Variants in SRGAP2C observed in about 807,000 individuals in gnomAD.
SRGAP2C encodes SLIT-ROBO Rho GTPase activating protein 2C.
In SRGAP2C, 15 loss-of-function variants were observed where a neutral mutation model predicts 25.1. That is an observed-to-expected ratio of 0.60 (90% CI 0.40 to 0.92). The LOEUF (loss-of-function observed/expected upper bound fraction) is 0.92, where lower values mean the gene tolerates loss of function less well. Ranked by LOEUF, SRGAP2C falls within the 40% of genes least tolerant of loss-of-function variation. SRGAP2C has a pLI of 0.00. For missense variants in SRGAP2C, 144 were observed against 264.4 expected, an observed-to-expected ratio of 0.54 and a Z score of 3.16; for synonymous variants, 44 against 96.6, an observed-to-expected ratio of 0.46 and a Z score of 3.19.
rs1367478512 is a variant in SRGAP2C, at chr1:121,312,683, C to A, written c.261-11795C>A. 4.1e-5 allele frequency among the ~76,000 whole-genome samples: 3 copies of A among 74,048 alleles called. 1 individual carries two copies. Among genetic ancestry groups the A allele is most frequent in the Non-Finnish European group, 8.5e-5 (3 of 35,112 alleles). 48.6% of individuals were successfully genotyped at this position (74,048 alleles called of 152,430 possible). Reference sequence around the variant, plus strand: ...ATTTCTGCCTTCATTTTGTTATGTACCCAGTAGTCATTCAGGAGCAGGTTG... The same window carrying A: ...ATTTCTGCCTTCATTTTGTTATGTAACCAGTAGTCATTCAGGAGCAGGTTG... On this transcript the variant is annotated intron_variant, in intron 3 of 9. Transcript: ENST00000367123.
chr1:121,250,677 A>T (rs1553331301), intron 2 of SRGAP2C, among the ~76,000 whole-genome samples: 1 of 48,990 alleles, frequency 2.0e-5, no homozygotes, highest in Admixed American at 2.1e-4. Flanking sequence ...ACAAAACAAC[A>T]TGGATGAATC....
intron 2 of SRGAP2C, among the ~76,000 whole-genome samples, chr1:121,194,276 CAT>C (rs1479308897): frequency 8.0e-5 from 12 of 150,286 alleles, no homozygotes; most frequent in African/African-American, 2.9e-4. Flanking sequence ...CACAGTGGCT[CAT>C]ATCTGTAATT....
intron 2 of SRGAP2C, among the ~76,000 whole-genome samples, chr1:121,222,973 TC>T (rs1372724286): frequency 1.5e-4 from 22 of 151,478 alleles, no homozygotes; most frequent in Non-Finnish European, 1.8e-4. Flanking sequence ...CTTAAGGGCC[TC>T]CCCAGGGTTA....
At chr1:121,230,893 G>A (rs1655800833) in intron 2 of SRGAP2C, among the ~76,000 whole-genome samples, 1 of 150,880 alleles carries the variant, frequency 6.6e-6, no homozygotes, top group Non-Finnish European at 1.5e-5. Flanking sequence ...CAGGGACATG[G>A]ATGAAGCTGG....
chr1:121,328,136 T>G (rs1658354040), intron 4 of SRGAP2C, among the ~76,000 whole-genome samples: 1 of 152,056 alleles, frequency 6.6e-6, no homozygotes, highest in South Asian at 2.1e-4. Flanking sequence ...CCAGATTTCT[T>G]GAAGAATGAA....
At chr1:121,370,777 T>G (rs1240117943) in intron 5 of SRGAP2C, among the ~76,000 whole-genome samples, 4 of 150,372 alleles carry the variant, frequency 2.7e-5, no homozygotes, top group Non-Finnish European at 5.9e-5. Flanking sequence ...ATTTTGTGTT[T>G]AGCTCTACCT....
At chr1:121,192,999 T>TGTCA (rs1654740454) in intron 2 of SRGAP2C, among the ~76,000 whole-genome samples, 1 of 117,698 alleles carries the variant, frequency 8.5e-6, no homozygotes, top group Non-Finnish European at 1.7e-5. Context: ...TTTAACCTGG[T>TGTCA]GTCAGCTCCA....
At chr1:121,253,933 G>A (rs1190745734) in intron 2 of SRGAP2C, among the ~76,000 whole-genome samples, 1 of 151,364 alleles carries the variant, frequency 6.6e-6, no homozygotes, top group Non-Finnish European at 1.5e-5. Context: ...TCTCTTTTTT[G>A]ATGGAGTCTC....
intron 4 of SRGAP2C, among the ~76,000 whole-genome samples, chr1:121,345,621 G>A (rs1342225836): frequency 3.3e-5 from 5 of 150,460 alleles, no homozygotes; most frequent in Non-Finnish European, 5.9e-5. Flanking sequence ...AGATTAACAG[G>A]CATCTATATA....
chr1:121,350,422 A>G (rs1259243136), intron 4 of SRGAP2C, among the ~76,000 whole-genome samples: 2 of 147,536 alleles, frequency 1.4e-5, no homozygotes, highest in African/African-American at 2.5e-5. Context: ...TCAGTTATAA[A>G]TAATTAGGCC....
At chr1:121,359,762 A>T (rs1558127533) in intron 4 of SRGAP2C, among the ~76,000 whole-genome samples, 1 of 152,232 alleles carries the variant, frequency 6.6e-6, no homozygotes, top group Non-Finnish European at 1.5e-5. Flanking sequence ...GCAATAGAGC[A>T]AGACCTTGTA....
intron 2 of SRGAP2C, among the ~76,000 whole-genome samples, chr1:121,270,847 C>A (rs1363190914): frequency 6.7e-6 from 1 of 148,218 alleles, no homozygotes; most frequent in African/African-American, 2.5e-5. Context: ...GGCTGGAGTG[C>A]AGTGGTGCCA....
chr1:121,273,531 C>G (rs1657029123), intron 2 of SRGAP2C, among the ~76,000 whole-genome samples: 1 of 141,782 alleles, frequency 7.1e-6, no homozygotes, highest in Non-Finnish European at 1.6e-5. Flanking sequence ...GCGTACACTT[C>G]ATTTGCAAGA....
intron 2 of SRGAP2C, among the ~76,000 whole-genome samples, chr1:121,221,869 A>G (rs143577336): frequency 0.054 from 8,193 of 150,928 alleles, 767 homozygotes; most frequent in African/African-American, 0.19. Context: ...TCATCACTAT[A>G]GAATGGTTCT....
intron 2 of SRGAP2C, among the ~76,000 whole-genome samples, chr1:121,235,021 T>C (rs1655914515): frequency 6.7e-6 from 1 of 148,878 alleles, no homozygotes; most frequent in Admixed American, 6.6e-5. Context: ...CTCTTTTCTT[T>C]CTTTCTTTTT....
intron 2 of SRGAP2C, among the ~76,000 whole-genome samples, chr1:121,268,768 C>A (rs1656869298): frequency 1.9e-5 from 2 of 103,542 alleles, no homozygotes; most frequent in South Asian, 2.7e-4. Flanking sequence ...GATGGGGTGT[C>A]AAGAGTTCAG....
rs587725602 is a variant in SRGAP2C at position 121,392,078 on chromosome 1, A to C, written c.*4223A>C. 1 of 152,198 alleles carries C rather than the reference A, an allele frequency of 6.6e-6. No individual in the cohort carries two copies. Among genetic ancestry groups the C allele is most frequent in the Non-Finnish European group, 1.5e-5 (1 of 68,008 alleles). 9.4% of individuals were successfully genotyped at this position (152,198 alleles called of 1,614,324 possible). The stretch of plus-strand genomic sequence containing the variant: ...AAAATCACCAGAGGGATTTAAGAGT[A>C]TATTTGCACACACAGAGGAAGCCAT... On this transcript the variant is annotated 3_prime_UTR_variant, in exon 10 of 10. Coordinates refer to ENST00000367123, the MANE Select transcript of SRGAP2C (RefSeq NM_001329984.2).
chr1:121,372,227 C>T (rs1553351361), intron 5 of SRGAP2C, among the ~76,000 whole-genome samples: 2 of 152,248 alleles, frequency 1.3e-5, no homozygotes, highest in East Asian at 1.9e-4. Context: ...CTTTCGTCTG[C>T]CTCTAGCTGA....
chr1:121,273,984 G>T (rs1358765003), intron 2 of SRGAP2C, among the ~76,000 whole-genome samples: 2 of 151,380 alleles, frequency 1.3e-5, no homozygotes, highest in African/African-American at 4.8e-5. Context: ...GTTTCAGCCA[G>T]CAGCAAGGTA....
Sources: gnomAD v4.1 joint callset for allele counts (sites outside exome capture counted in the v4.1 genomes callset) on GRCh38, gnomAD v4.1.1 for gene constraint, MANE v1.5 for transcripts, NCBI Gene and HGNC (gene_info 2026-07-23, HGNC 2026-07-21) for gene names.